Variants in RALGPS2 observed in about 807,000 individuals in gnomAD.
RALGPS2 encodes the protein Ral GEF with PH domain and SH3 binding motif 2.
RALGPS2 carries 43 observed loss-of-function variants against 86.8 expected under a neutral mutation model. The ratio of observed to expected loss-of-function variants is 0.50; its 90% CI spans 0.39 to 0.64. RALGPS2 has a LOEUF of 0.64. RALGPS2 is among the 30% of genes least tolerant of loss of function. The pLI is 0.00. For missense variants in RALGPS2, 536 were observed against 694.6 expected, an observed-to-expected ratio of 0.77 and a Z score of 2.57; for synonymous variants, 243 against 231.3, an observed-to-expected ratio of 1.05 and a Z score of -0.46.
intron 1 of RALGPS2, among the ~76,000 whole-genome samples, chr1:178,737,877 A>G (rs1650810387): frequency 6.6e-6 from 1 of 152,010 alleles, no homozygotes; most frequent in Middle Eastern, 3.4e-3. Context: ...TCCCAGACTT[A>G]AGTGATCCTC....
intron 1 of RALGPS2, among the ~76,000 whole-genome samples, chr1:178,763,911 C>G (rs904412671): frequency 1.3e-5 from 2 of 151,212 alleles, no homozygotes; most frequent in African/African-American, 2.4e-5. Flanking sequence ...GTTTTATGTC[C>G]GATTGTGGGT....
At position 178,885,114 on chromosome 1, in the gene RALGPS2, A is replaced by G; in HGVS notation, c.943A>G (p.Ser315Gly). 1 of 1,611,984 alleles carries G rather than the reference A, an allele frequency of 6.2e-7. No homozygotes were observed. Among genetic ancestry groups the G allele is most frequent in the African/African-American group, 1.3e-5 (1 of 74,930 alleles). The part of the protein sequence containing the change: ...VGASPQSGRK[S>G]VAAEGALLPQ... Reference sequence around the variant, plus strand: ...AGCGTCTCCACAGAGTGGACGAAAAAGTGTGGCAGCTGAAGGAGCCTTGCT... The same window carrying G: ...AGCGTCTCCACAGAGTGGACGAAAAGGTGTGGCAGCTGAAGGAGCCTTGCT... The change falls in exon 12 of 20, where the codon AGT becomes GGT. Residue 315 changes from serine to glycine, a missense_variant. This residue lies in a region of RALGPS2 where 309 missense variants were observed against 363.0 expected (regional missense o/e 0.85). Transcript: ENST00000367635.
Position 178,734,211 on chromosome 1 carries a change from G to A in RALGPS2, c.-84+8792G>A, listed in dbSNP as rs144771606. The stretch of plus-strand genomic sequence containing the variant: ...CTTGAATGAAAAAGTTAGATAATAA[G>A]TGTAGGCAAGGATGTTAAGAAATTG... On this transcript the variant is annotated intron_variant, in intron 1 of 19. Coordinates refer to ENST00000367635, the MANE Select transcript of RALGPS2 (RefSeq NM_152663.5). 1.1e-3 allele frequency among the ~76,000 whole-genome samples: 171 copies of A among 152,354 alleles called. 2 individuals are homozygous for A. Among genetic ancestry groups the A allele is most frequent in the Middle Eastern group, 6.8e-3 (2 of 294 alleles).
intron 7 of RALGPS2, among the ~76,000 whole-genome samples, chr1:178,827,607 G>A (rs1181181989): frequency 6.6e-6 from 1 of 151,706 alleles, no homozygotes; most frequent in Non-Finnish European, 1.5e-5. Context: ...ATTTTAGCCG[G>A]GATGGTCTCG....
At chr1:178,728,992 T>C (rs546752406) in intron 1 of RALGPS2, among the ~76,000 whole-genome samples, 2 of 152,350 alleles carry the variant, frequency 1.3e-5, no homozygotes, top group East Asian at 3.9e-4. Context: ...GATATAGCAG[T>C]GTTCATATGA....
intron 19 of RALGPS2, among the ~76,000 whole-genome samples, chr1:178,910,855 C>T (rs568212798): frequency 6.6e-6 from 1 of 152,208 alleles, no homozygotes; most frequent in East Asian, 1.9e-4. Context: ...CTTTTTCGTA[C>T]ATATGGTAGA....
At chr1:178,913,709 A>G (rs1327509941) in intron 19 of RALGPS2, among the ~76,000 whole-genome samples, 1 of 152,120 alleles carries the variant, frequency 6.6e-6, no homozygotes, top group Non-Finnish European at 1.5e-5. Context: ...AGTTGGGTAT[A>G]GTCAATTGGC....
At chr1:178,754,287 A>G (rs548378803) in intron 1 of RALGPS2, among the ~76,000 whole-genome samples, 4 of 151,820 alleles carry the variant, frequency 2.6e-5, no homozygotes, top group East Asian at 1.9e-4. Context: ...CTTATATAGT[A>G]TATATTACAA....
At chr1:178,870,712 TA>T (rs1176724186) in intron 8 of RALGPS2, 1 of 152,214 alleles carries the variant, frequency 6.6e-6, no homozygotes, top group African/African-American at 2.4e-5. Flanking sequence ...CTATACATAA[TA>T]TTTTTAAATA....
chr1:178,834,975 G>A (rs1187211122), intron 8 of RALGPS2, among the ~76,000 whole-genome samples: 6 of 151,734 alleles, frequency 4.0e-5, no homozygotes, highest in East Asian at 1.9e-4. Context: ...ACAGGGTTTC[G>A]CCATGTTGGC....
chr1:178,732,055 G>A (rs975938870), intron 1 of RALGPS2, among the ~76,000 whole-genome samples: 2 of 152,082 alleles, frequency 1.3e-5, no homozygotes, highest in Non-Finnish European at 2.9e-5. Context: ...ACATGATGGT[G>A]GTAGCTTGAG....
intron 1 of RALGPS2, among the ~76,000 whole-genome samples, chr1:178,733,585 G>C (rs1650517087): frequency 6.6e-6 from 1 of 152,244 alleles, no homozygotes; most frequent in African/African-American, 2.4e-5. Flanking sequence ...AGAATGTAGA[G>C]CATTTGGAAC....
At chr1:178,886,946 TG>T (rs1254734592) in intron 13 of RALGPS2, among the ~76,000 whole-genome samples, 1 of 152,118 alleles carries the variant, frequency 6.6e-6, no homozygotes, top group East Asian at 1.9e-4. Context: ...TGATAAGAGT[TG>T]CTTCATGGAA....
At chr1:178,915,528 C>T (rs1427073936) in intron 19 of RALGPS2, among the ~76,000 whole-genome samples, 2 of 152,238 alleles carry the variant, frequency 1.3e-5, no homozygotes, top group Non-Finnish European at 2.9e-5. Context: ...AGCCACCGCA[C>T]CCGGCCAAAT....
In RALGPS2 at chr1:178,776,726, G is replaced by T; in HGVS notation, c.-39G>T. ...TTGGACATGAGGCAGTCAGTCCTCT[G>T]TTGCTGTTAACATAAGGTCAGGGAC... On this transcript the variant is annotated 5_prime_UTR_variant, in exon 2 of 20. Coordinates refer to ENST00000367635, the MANE Select transcript of RALGPS2 (RefSeq NM_152663.5). 6.5e-7 allele frequency: 1 copy of T among 1,532,494 alleles called. No homozygotes were observed. The allele number at this position is 1,532,494 out of a possible 1,614,324, so 94.9% of individuals were successfully genotyped here.
intron 1 of RALGPS2, chr1:178,725,629 G>T (rs1226813160): frequency 1.3e-5 from 2 of 151,938 alleles, no homozygotes; most frequent in East Asian, 3.9e-4. Flanking sequence ...TGGGCGGCGC[G>T]CCTCCCTCGG....
intron 1 of RALGPS2, among the ~76,000 whole-genome samples, chr1:178,755,070 G>A (rs1330301765): frequency 6.6e-6 from 1 of 152,214 alleles, no homozygotes; most frequent in Admixed American, 6.5e-5. Context: ...AAAGTGCTGA[G>A]ATTACAGGCA....
intron 16 of RALGPS2, chr1:178,894,409 T>G (rs1659850912): frequency 6.5e-6 from 1 of 154,594 alleles, no homozygotes; most frequent in South Asian, 2.0e-4. Flanking sequence ...ATACAAAATT[T>G]GTTCTTACCA....
intron 4 of RALGPS2, among the ~76,000 whole-genome samples, chr1:178,791,751 A>G (rs1405298873): frequency 6.6e-6 from 1 of 152,200 alleles, no homozygotes; most frequent in East Asian, 1.9e-4. Context: ...AATTTAGCTA[A>G]ACGTGTTCTA....
Sources: allele counts gnomAD v4.1 joint callset (sites outside exome capture counted in the v4.1 genomes callset), GRCh38; gene constraint gnomAD v4.1.1; regional missense constraint gnomAD v4.1.1; transcripts MANE v1.5; gene names NCBI Gene and HGNC (gene_info 2026-07-23, HGNC 2026-07-21).